KCNQ3: variants seen among roughly 807,000 people sequenced by gnomAD.
KCNQ3 encodes potassium voltage-gated channel subfamily KQT member 3.
A neutral mutation model predicts 92.5 loss-of-function variants in KCNQ3; 30 were observed. The observed-to-expected ratio is 0.32, with a 90% confidence interval of 0.24 to 0.44. KCNQ3 has a LOEUF of 0.44. KCNQ3 is among the 20% of genes least tolerant of loss of function. The pLI, the probability that KCNQ3 is intolerant of heterozygous loss-of-function variation, is 1.00. For synonymous variants in KCNQ3, 450 were observed against 468.8 expected, an observed-to-expected ratio of 0.96 and a Z score of 0.52; for missense variants, 913 against 1,140.3, an observed-to-expected ratio of 0.80 and a Z score of 2.87.
chr8:132,295,877 C>G (rs1220353582), intron 1 of KCNQ3, among the ~76,000 whole-genome samples: 1 of 151,974 alleles, frequency 6.6e-6, no homozygotes, highest in Non-Finnish European at 1.5e-5. Context: ...GCATCGGGGC[C>G]TGTTGTGGGG....
At chr8:132,380,870 T>C (rs1453174484) in intron 1 of KCNQ3, among the ~76,000 whole-genome samples, 4 of 142,420 alleles carry the variant, frequency 2.8e-5, no homozygotes, top group Non-Finnish European at 6.0e-5. Context: ...CACGACCCTA[T>C]GGCCAAGGGA....
At chr8:132,305,832 T>C (rs777092284) in intron 1 of KCNQ3, among the ~76,000 whole-genome samples, 4 of 152,166 alleles carry the variant, frequency 2.6e-5, no homozygotes, top group Non-Finnish European at 5.9e-5. Context: ...CCTTGCCCAT[T>C]TTCTACACAA....
In KCNQ3 at chr8:132,129,143, G is replaced by A. The variant is rs374544664; in HGVS notation, c.*119C>T. On this transcript the variant is annotated 3_prime_UTR_variant, in exon 15 of 15. Coordinates refer to ENST00000388996, the MANE Select transcript of KCNQ3 (RefSeq NM_004519.4). The surrounding 1 kb of genome is among the most constrained non-coding windows in gnomAD (Gnocchi z 5.9). ...GCCCCTGCCTGGGTGGGGCCACCAC[G>A]CACACGCATGCATTTGATGCAGCCA... 5.5e-5 allele frequency: 68 copies of A among 1,243,882 alleles called. No individual in the cohort carries two copies. Among genetic ancestry groups the A allele is most frequent in the East Asian group, 3.3e-4 (14 of 42,730 alleles). 77.1% of individuals were successfully genotyped at this position (1,243,882 alleles called of 1,614,324 possible).
intron 1 of KCNQ3, among the ~76,000 whole-genome samples, chr8:132,351,307 G>C (rs115222228): frequency 0.03 from 4,502 of 152,252 alleles, 237 homozygotes; most frequent in African/African-American, 0.1. Flanking sequence ...ACTGGTTTGT[G>C]TGTGACCTCA....
chr8:132,221,254 T>C (rs7014083), intron 1 of KCNQ3, among the ~76,000 whole-genome samples: 43,955 of 152,156 alleles, frequency 0.29, 7,363 homozygotes, highest in Middle Eastern at 0.4. Context: ...CTTTCTATTG[T>C]GAATAGTGCC....
intron 1 of KCNQ3, among the ~76,000 whole-genome samples, chr8:132,318,684 C>G (rs1175454994): frequency 6.6e-6 from 1 of 152,100 alleles, no homozygotes; most frequent in East Asian, 1.9e-4. Flanking sequence ...TTTGGGGTGC[C>G]GGTCCTGAAA....
intron 1 of KCNQ3, among the ~76,000 whole-genome samples, chr8:132,247,148 A>C (rs1233458025): frequency 6.6e-6 from 1 of 152,152 alleles, no homozygotes; most frequent in Non-Finnish European, 1.5e-5. Flanking sequence ...TCATCTATAT[A>C]CCTGCATTTC....
chr8:132,262,892 G>T (rs146214441), intron 1 of KCNQ3, among the ~76,000 whole-genome samples: 3 of 152,130 alleles, frequency 2.0e-5, no homozygotes, highest in Admixed American at 2.0e-4. Flanking sequence ...GACATTGATC[G>T]GCTAAATCCT....
intron 1 of KCNQ3, among the ~76,000 whole-genome samples, chr8:132,392,691 C>T (rs1820080999): frequency 6.7e-6 from 1 of 149,382 alleles, no homozygotes; most frequent in Admixed American, 6.8e-5. Flanking sequence ...ATCCCAGCTA[C>T]TCAGGAGGCT....
At chr8:132,208,512 A>G (rs957051858) in intron 1 of KCNQ3, among the ~76,000 whole-genome samples, 5 of 152,210 alleles carry the variant, frequency 3.3e-5, no homozygotes, top group African/African-American at 1.2e-4. Flanking sequence ...TCCTAGGACC[A>G]GCATCAAACT....
intron 1 of KCNQ3, among the ~76,000 whole-genome samples, chr8:132,462,353 C>A (rs918796535): frequency 2.0e-5 from 3 of 152,046 alleles, no homozygotes; most frequent in African/African-American, 7.2e-5. Context: ...CCACGCCAGG[C>A]TAATTTTTGT....
chr8:132,234,194 C>T (rs533587006), intron 1 of KCNQ3, among the ~76,000 whole-genome samples: 7 of 152,268 alleles, frequency 4.6e-5, no homozygotes, highest in South Asian at 4.2e-4. Context: ...ATCACACAAA[C>T]GCCCCTCTGC....
At chr8:132,338,873 G>A (rs7824311) in intron 1 of KCNQ3, among the ~76,000 whole-genome samples, 52,978 of 152,056 alleles carry the variant, frequency 0.35, 10,970 homozygotes, top group African/African-American at 0.58. Flanking sequence ...CACCTCCTCA[G>A]TGAGCCTTCT....
At chr8:132,241,776 G>A (rs1460217310) in intron 1 of KCNQ3, among the ~76,000 whole-genome samples, 1 of 152,062 alleles carries the variant, frequency 6.6e-6, no homozygotes, top group Admixed American at 6.6e-5. Flanking sequence ...AGAGGTTGCA[G>A]TGAGCTGAGA....
At chr8:132,437,446 G>A (rs989142666) in intron 1 of KCNQ3, among the ~76,000 whole-genome samples, 2 of 152,166 alleles carry the variant, frequency 1.3e-5, no homozygotes, top group Non-Finnish European at 2.9e-5. Flanking sequence ...TCCCTTGCAG[G>A]TGAACATGGA....
intron 1 of KCNQ3, among the ~76,000 whole-genome samples, chr8:132,473,784 ACT>A (rs893228226): frequency 1.3e-5 from 2 of 152,122 alleles, no homozygotes; most frequent in African/African-American, 4.8e-5. Context: ...AATTGGGAAG[ACT>A]CTGCATTACC....
chr8:132,268,305 C>A (rs1208156195), intron 1 of KCNQ3, among the ~76,000 whole-genome samples: 5 of 152,160 alleles, frequency 3.3e-5, no homozygotes, highest in Non-Finnish European at 7.3e-5. Flanking sequence ...TGGAGTCTCA[C>A]TCAGTTGGTC....
intron 1 of KCNQ3, among the ~76,000 whole-genome samples, chr8:132,229,304 T>C (rs960910845): frequency 6.7e-6 from 1 of 150,186 alleles, no homozygotes; most frequent in Non-Finnish European, 1.5e-5. Flanking sequence ...AAGAAAGCCA[T>C]GAAAGGTGGT....
At chr8:132,298,553 A>G (rs2403773) in intron 1 of KCNQ3, among the ~76,000 whole-genome samples, 97,674 of 151,972 alleles carry the variant, frequency 0.64, 32,847 homozygotes, top group East Asian at 0.87. Flanking sequence ...TAACATGAAG[A>G]TGGGGTGGGG....
Sources: gnomAD v4.1 joint callset for allele counts (sites outside exome capture counted in the v4.1 genomes callset) on GRCh38, gnomAD v4.1.1 for gene constraint, Gnocchi (gnomAD v3.1) non-coding constraint, MANE v1.5 for transcripts, NCBI Gene and HGNC (gene_info 2026-07-23, HGNC 2026-07-21) for gene names.